KCNE1: variants seen among roughly 807,000 people sequenced by gnomAD.
The protein encoded by KCNE1 is potassium voltage-gated channel subfamily E regulatory subunit 1, also known as potassium voltage-gated channel subfamily E member 1.
In KCNE1, 1 loss-of-function variant was observed where a neutral mutation model predicts 2.9. That is an observed-to-expected ratio of 0.34 (90% CI 0.12 to 1.62). The LOEUF (loss-of-function observed/expected upper bound fraction) is 1.62, where lower values mean the gene tolerates loss of function less well. KCNE1 is among the 40% of genes most tolerant of loss of function. The pLI, the probability that KCNE1 is intolerant of heterozygous loss-of-function variation, is 0.36. For missense variants in KCNE1, 45 were observed against 150.5 expected (o/e 0.30, Z 3.67); for synonymous variants, 23 against 65.4 (o/e 0.35, Z 3.13).
At chr21:34,508,295 T>C (rs1983625363) in intron 2 of KCNE1, among the ~76,000 whole-genome samples, 3 of 151,954 alleles carry the variant, frequency 2.0e-5, no homozygotes. Flanking sequence ...TCCAAAGTGC[T>C]GGGATTATAG....
At chr21:34,507,052 T>A (rs16991754) in intron 2 of KCNE1, among the ~76,000 whole-genome samples, 2 of 152,142 alleles carry the variant, frequency 1.3e-5, no homozygotes, top group Non-Finnish European at 2.9e-5. Context: ...CCAGGGTACA[T>A]GGATGCATGT....
intron 2 of KCNE1, among the ~76,000 whole-genome samples, chr21:34,503,999 C>T (rs1983322545): frequency 6.6e-6 from 1 of 152,208 alleles, no homozygotes; most frequent in African/African-American, 2.4e-5. Flanking sequence ...GCACCATCCC[C>T]CATGTCCGGT....
chr21:34,505,532 G>C (rs530918094), intron 2 of KCNE1, among the ~76,000 whole-genome samples: 2 of 152,092 alleles, frequency 1.3e-5, no homozygotes, highest in African/African-American at 2.4e-5. Context: ...TGGAGGGAGA[G>C]TGTGAGGCAG....
chr21:34,503,614 G>A (rs952717261), intron 2 of KCNE1, among the ~76,000 whole-genome samples: 24 of 152,190 alleles, frequency 1.6e-4, no homozygotes, highest in Non-Finnish European at 4.4e-5. Flanking sequence ...AAGTTACCTA[G>A]AGGACTCATC....
At chr21:34,504,792 A>C (rs751529597) in intron 2 of KCNE1, among the ~76,000 whole-genome samples, 1 of 152,256 alleles carries the variant, frequency 6.6e-6, no homozygotes, top group Non-Finnish European at 1.5e-5. Context: ...GAAAGAAGCC[A>C]GTCACAAAAG....
At chr21:34,499,924 G>A (rs944539470) in intron 2 of KCNE1, among the ~76,000 whole-genome samples, 7 of 152,120 alleles carry the variant, frequency 4.6e-5, no homozygotes, top group African/African-American at 1.7e-4. Flanking sequence ...ATTCAAGTGG[G>A]AGCTGAACAG....
chr21:34,449,612 G>A lies in KCNE1; in HGVS notation c.23C>T (p.Ala8Val), dbSNP rs199473348. The stretch of plus-strand genomic sequence containing the variant: ...CAGCTTGGTCAGAAAGGGCGTCACC[G>A]CTGTGGTGTTAGACAGGATCATCCT... MILSNTTAVTPFLTKLWQ... is the reference protein window; with the variant it reads MILSNTTVVTPFLTKLWQ... The change falls in exon 4 of 4, where the codon GCG becomes GTG. Residue 8 changes from alanine to valine, a missense_variant. Coordinates refer to ENST00000399286, the MANE Select transcript of KCNE1 (RefSeq NM_000219.6). 1.0e-4 allele frequency: 90 copies of A among 888,654 alleles called. 7 individuals carry two copies. The highest frequency in any genetic ancestry group is 2.5e-4 in the South Asian group (17 of 66,744). 55.0% of individuals were successfully genotyped at this position (888,654 alleles called of 1,614,324 possible).
At chr21:34,507,946 C>T (rs1179794747) in intron 2 of KCNE1, among the ~76,000 whole-genome samples, 1 of 152,160 alleles carries the variant, frequency 6.6e-6, no homozygotes. Context: ...TTCATGCATG[C>T]TTGCTGGTGT....
chr21:34,497,895 TG>T (rs1013669845), intron 2 of KCNE1, among the ~76,000 whole-genome samples: 1 of 152,104 alleles, frequency 6.6e-6, no homozygotes, highest in African/African-American at 2.4e-5. Flanking sequence ...TTCTTTTTTT[TG>T]GTTTTTATCT....
chr21:34,506,470 G>A (rs913493593), intron 2 of KCNE1, among the ~76,000 whole-genome samples: 26 of 152,068 alleles, frequency 1.7e-4, no homozygotes, highest in Admixed American at 5.2e-4. Context: ...TCTCCACCAA[G>A]AAAAGAGCCC....
At chr21:34,507,291 CG>C (rs1983554582) in intron 2 of KCNE1, among the ~76,000 whole-genome samples, 1 of 151,932 alleles carries the variant, frequency 6.6e-6, no homozygotes, top group African/African-American at 2.4e-5. Flanking sequence ...TGGCTGAAGT[CG>C]GGTACAGGGA....
chr21:34,505,971 T>C (rs935158832), intron 2 of KCNE1, among the ~76,000 whole-genome samples: 3 of 152,250 alleles, frequency 2.0e-5, no homozygotes, highest in Non-Finnish European at 4.4e-5. Context: ...GTTTTTTAAC[T>C]ACAGTATTTT....
In KCNE1 at chr21:34,511,108, C is replaced by T. The variant is rs969370799; in HGVS notation, c.-169G>A. 1.8e-5 allele frequency: 18 copies of T among 984,156 alleles called. No homozygotes were observed. The highest frequency in any genetic ancestry group is 1.0e-4 in the African/African-American group (6 of 57,216). 61.0% of individuals were successfully genotyped at this position (984,156 alleles called of 1,614,324 possible). ...GCAACCCCCTTCTCCTACCAGTTCTCGTTTCTGAAGTCTCCTCAAGCACAC... is the reference window on the plus strand; with the variant it reads ...GCAACCCCCTTCTCCTACCAGTTCTTGTTTCTGAAGTCTCCTCAAGCACAC... On this transcript the variant is annotated 5_prime_UTR_variant, in exon 2 of 4. Transcript: ENST00000399286.
intron 2 of KCNE1, among the ~76,000 whole-genome samples, chr21:34,503,754 T>C (rs936310854): frequency 1.4e-4 from 21 of 152,354 alleles, no homozygotes; most frequent in African/African-American, 5.1e-4. Flanking sequence ...TGGGTGAGTT[T>C]CTCATCATTC....
At chr21:34,500,397 TC>T (rs1466495255) in intron 2 of KCNE1, among the ~76,000 whole-genome samples, 1 of 152,232 alleles carries the variant, frequency 6.6e-6, no homozygotes, top group Non-Finnish European at 1.5e-5. Flanking sequence ...TTTGACAGTT[TC>T]TTAAAATGAT....
chr21:34,510,594 C>G (rs1983786028), intron 2 of KCNE1: 2 of 152,606 alleles, frequency 1.3e-5, no homozygotes, highest in Admixed American at 1.3e-4. Context: ...GTGAAGCCTC[C>G]CCTCCCATCC....
intron 2 of KCNE1, among the ~76,000 whole-genome samples, chr21:34,495,864 T>C (rs755602682): frequency 5.3e-5 from 8 of 152,216 alleles, no homozygotes; most frequent in Non-Finnish European, 1.2e-4. Context: ...TTAATGTTGT[T>C]GTTTACATTT....
At chr21:34,499,995 A>G (rs1245678822) in intron 2 of KCNE1, among the ~76,000 whole-genome samples, 1 of 152,150 alleles carries the variant, frequency 6.6e-6, no homozygotes, top group African/African-American at 2.4e-5. Context: ...TTTATTTTTT[A>G]TAGAGACAAG....
chr21:34,497,215 C>T (rs1209694198), intron 2 of KCNE1, among the ~76,000 whole-genome samples: 1 of 152,004 alleles, frequency 6.6e-6, no homozygotes, highest in Non-Finnish European at 1.5e-5. Context: ...TAGTTGTTGC[C>T]TGAATAACTT....
Sources: gnomAD v4.1 joint callset for allele counts (sites outside exome capture counted in the v4.1 genomes callset) on GRCh38, gnomAD v4.1.1 for gene constraint, MANE v1.5 for transcripts, NCBI Gene and HGNC (gene_info 2026-07-23, HGNC 2026-07-21) for gene names.